ERBB4: variants seen among roughly 807,000 people sequenced by gnomAD.
ERBB4 encodes receptor tyrosine-protein kinase erbB-4.
A neutral mutation model predicts 158.0 loss-of-function variants in ERBB4; 42 were observed. The ratio of observed to expected loss-of-function variants is 0.27; its 90% confidence interval spans 0.21 to 0.34. ERBB4 has a LOEUF of 0.34. Among genes scored for constraint, ERBB4 ranks in the 10% least tolerant of loss-of-function variants. The pLI, the probability that ERBB4 is intolerant of heterozygous loss-of-function variation, is 1.00. For synonymous variants in ERBB4, 583 were observed against 558.7 expected (o/e 1.04, Z -0.61); for missense variants, 1,333 against 1,624.1 (o/e 0.82, Z 3.08).
At chr2:211,570,436 G>T (rs2067689782) in intron 19 of ERBB4, among the ~76,000 whole-genome samples, 1 of 149,366 alleles carries the variant, frequency 6.7e-6, no homozygotes, top group African/African-American at 2.5e-5. Context: ...AAAGTGCTAG[G>T]ATTACAGGCA....
chr2:212,195,804 C>T (rs2082410449), intron 1 of ERBB4, among the ~76,000 whole-genome samples: 1 of 152,044 alleles, frequency 6.6e-6, no homozygotes, highest in Non-Finnish European at 1.5e-5. Flanking sequence ...ACCAAGGAAA[C>T]ATTAAACAGA....
chr2:212,033,560 A>T (rs1242255953), intron 2 of ERBB4, among the ~76,000 whole-genome samples: 3 of 151,908 alleles, frequency 2.0e-5, no homozygotes, highest in Non-Finnish European at 4.4e-5. Context: ...GGTTCTTAAA[A>T]TTTATAAAGT....
intron 3 of ERBB4, among the ~76,000 whole-genome samples, chr2:211,936,518 A>G (rs1428823736): frequency 2.0e-5 from 3 of 152,138 alleles, no homozygotes; most frequent in African/African-American, 7.2e-5. Flanking sequence ...CAATAAAATT[A>G]TAGCTAGAAG....
chr2:212,536,614 T>C (rs1369662892), intron 1 of ERBB4, among the ~76,000 whole-genome samples: 1 of 152,196 alleles, frequency 6.6e-6, no homozygotes, highest in East Asian at 1.9e-4. Context: ...GGGCGCGAGC[T>C]AGTGTCGCCT....
At chr2:212,302,432 G>C (rs2086656290) in intron 1 of ERBB4, among the ~76,000 whole-genome samples, 1 of 151,476 alleles carries the variant, frequency 6.6e-6, no homozygotes, top group African/African-American at 2.4e-5. Flanking sequence ...CAGTATAACA[G>C]AATCAATCTT....
chr2:212,090,955 C>A (rs902351129), intron 2 of ERBB4, among the ~76,000 whole-genome samples: 5 of 152,030 alleles, frequency 3.3e-5, no homozygotes, highest in African/African-American at 9.7e-5. Context: ...TAAATTAATT[C>A]TTTATCTATC....
intron 2 of ERBB4, among the ~76,000 whole-genome samples, chr2:211,967,919 T>C: frequency 6.6e-6 from 1 of 151,998 alleles, no homozygotes; most frequent in East Asian, 1.9e-4. Context: ...TACGATTATG[T>C]CTTTTCTCTG....
Position 212,508,267 on chromosome 2 carries a change from A to T in ERBB4, c.82+30182T>A, listed in dbSNP as rs147894116. 9.2e-5 allele frequency among the ~76,000 whole-genome samples: 14 copies of T among 152,296 alleles called. No individual in the cohort carries two copies. The East Asian group carries it at 2.5e-3, about 27-fold the overall frequency. ...GTTGACTTGCTTTATTGTGATACTC[A>T]GCTTATTGTGGTGGTCTGAAACTGA... On this transcript the variant is annotated intron_variant, in intron 1 of 27. Transcript: ENST00000342788.
chr2:212,395,708 C>G (rs1560204100), intron 1 of ERBB4, among the ~76,000 whole-genome samples: 1 of 150,298 alleles, frequency 6.7e-6, no homozygotes, highest in Non-Finnish European at 1.5e-5. Context: ...CAACCTCTGC[C>G]TCCCAGGTTC....
In ERBB4 at chr2:212,108,728, T is replaced by TC. The variant is rs1553560351; in HGVS notation, c.234+16023dup. On this transcript the variant is annotated intron_variant, in intron 2 of 27. Coordinates refer to ENST00000342788, the MANE Select transcript of ERBB4 (RefSeq NM_005235.3). ...CTGCTTTTTTTTTTTTTTTTTTTTTTCAGAACCAAAGTATAATTGAATAGC... is the reference window on the plus strand; with the variant it reads ...CTGCTTTTTTTTTTTTTTTTTTTTTTCCAGAACCAAAGTATAATTGAATAGC... 2.7e-5 allele frequency among the ~76,000 whole-genome samples: 4 copies of TC among 150,306 alleles called. No homozygotes were observed. The East Asian group carries it at 5.8e-4, about 22-fold the overall frequency.
intron 1 of ERBB4, among the ~76,000 whole-genome samples, chr2:212,436,543 A>G (rs16848564): frequency 0.021 from 3,134 of 152,138 alleles, 98 homozygotes; most frequent in South Asian, 0.052. Context: ...TCTTGTGTCA[A>G]TCTCTCAGAG....
intron 16 of ERBB4, among the ~76,000 whole-genome samples, chr2:211,631,447 C>T (rs530841408): frequency 6.6e-6 from 1 of 152,054 alleles, no homozygotes; most frequent in Non-Finnish European, 1.5e-5. Flanking sequence ...GCATCATACA[C>T]TCATAAAAGA....
intron 1 of ERBB4, among the ~76,000 whole-genome samples, chr2:212,457,309 G>A (rs1309420314): frequency 1.3e-5 from 2 of 151,880 alleles, no homozygotes; most frequent in African/African-American, 4.8e-5. Flanking sequence ...GCACATTTCT[G>A]TTCTCTTCCT....
At chr2:211,626,913 A>G (rs1362413940) in intron 17 of ERBB4, among the ~76,000 whole-genome samples, 1 of 151,264 alleles carries the variant, frequency 6.6e-6, no homozygotes, top group Admixed American at 6.6e-5. Flanking sequence ...CGACAGAGCA[A>G]GACTCCATCT....
At chr2:211,897,959 T>C (rs2079143115) in intron 3 of ERBB4, among the ~76,000 whole-genome samples, 1 of 151,984 alleles carries the variant, frequency 6.6e-6, no homozygotes, top group South Asian at 2.1e-4. Flanking sequence ...AGAAGGGGTC[T>C]CACTTTGTTG....
chr2:211,451,714 C>T (rs1463096914), intron 20 of ERBB4, among the ~76,000 whole-genome samples: 2 of 152,160 alleles, frequency 1.3e-5, no homozygotes, highest in African/African-American at 4.8e-5. Context: ...CTCTGGCAGA[C>T]CTTCCAATAA....
intron 1 of ERBB4, among the ~76,000 whole-genome samples, chr2:212,378,627 G>A (rs998771968): frequency 6.6e-6 from 1 of 151,418 alleles, no homozygotes; most frequent in African/African-American, 2.4e-5. Flanking sequence ...AAATTCACTC[G>A]CAACTAAATA....
intron 19 of ERBB4, among the ~76,000 whole-genome samples, chr2:211,580,720 T>C (rs528102436): frequency 1.4e-5 from 2 of 145,094 alleles, no homozygotes; most frequent in Admixed American, 7.1e-5. Context: ...AGCAGCACAA[T>C]TTGCAATTGC....
At chr2:211,962,203 T>A (rs371236513) in intron 2 of ERBB4, among the ~76,000 whole-genome samples, 10 of 152,110 alleles carry the variant, frequency 6.6e-5, no homozygotes, top group African/African-American at 2.4e-4. Context: ...AAATAAGCCA[T>A]CAAGTGGAAA....
Sources: allele counts gnomAD v4.1 joint callset (sites outside exome capture counted in the v4.1 genomes callset), GRCh38; gene constraint gnomAD v4.1.1; transcripts MANE v1.5; gene names NCBI Gene and HGNC (gene_info 2026-07-23, HGNC 2026-07-21).